CFAP70: variants seen among roughly 807,000 people sequenced by gnomAD.
The protein encoded by CFAP70 is cilia- and flagella-associated protein 70.
In CFAP70, 81 loss-of-function variants were observed where a neutral mutation model predicts 137.6. That is an observed-to-expected ratio of 0.59 (90% CI 0.49 to 0.71). The LOEUF is 0.71. Among genes scored for constraint, CFAP70 ranks in the 30% least tolerant of loss-of-function variants. The pLI is 0.00. For missense variants in CFAP70, 976 were observed against 1,226.7 expected, an observed-to-expected ratio of 0.80 and a Z score of 3.05; for synonymous variants, 382 against 423.6, an observed-to-expected ratio of 0.90 and a Z score of 1.20.
chr10:73,335,348 TAAATAA>T (rs555845974), intron 7 of CFAP70, 76 bp downstream of exon 8: 57 of 841,022 alleles, frequency 6.8e-5, no homozygotes, highest in Non-Finnish European at 1.0e-4. Flanking sequence ...AACTCAAATA[TAAATAA>T]AATTAACAAA....
rs1564733069 is a variant in CFAP70, at chr10:73,255,275, A to C, written c.3075+1094T>G. 5.9e-5 allele frequency among the ~76,000 whole-genome samples: 9 copies of C among 152,278 alleles called. No individual in the cohort carries two copies. The South Asian group carries it at 1.9e-3, about 32-fold the overall frequency. On this transcript the variant is annotated intron_variant, in intron 26 of 26. Coordinates refer to ENST00000310715, the Ensembl canonical transcript of CFAP70. The stretch of plus-strand genomic sequence containing the variant: ...GCTGGGGGCAGTGGCGGGCGGCTGT[A>C]GTCCCAGCTACTCAGGAGGCTGAAG...
At chr10:73,304,691 T>C (rs2049232944) in intron 12 of CFAP70, among the ~76,000 whole-genome samples, 1 of 152,148 alleles carries the variant, frequency 6.6e-6, no homozygotes, top group Admixed American at 6.5e-5. Context: ...ATCTAAAGTC[T>C]TAAAAATACA....
Position 73,338,143 on chromosome 10 carries a change from A to ATT in CFAP70, c.583-2621_583-2620dup, listed in dbSNP as rs550084202. 2.0e-3 allele frequency among the ~76,000 whole-genome samples: 261 copies of ATT among 129,680 alleles called. 1 individual carries two copies. The highest frequency in any genetic ancestry group is 6.5e-3 in the South Asian group (26 of 4,014). 85.1% of individuals were successfully genotyped at this position (129,680 alleles called of 152,430 possible). On this transcript the variant is annotated intron_variant, in intron 6 of 26. Coordinates refer to ENST00000310715, the Ensembl canonical transcript of CFAP70. ...CATGGGTCCACTTATATATATGCGGATTTTTTTTTTTTTTTTTTTGAGACA... is the reference window on the plus strand; with the variant it reads ...CATGGGTCCACTTATATATATGCGGATTTTTTTTTTTTTTTTTTTTTGAGACA...
chr10:73,255,627 T>TTTTGTTTG lies in CFAP70; in HGVS notation c.3075+734_3075+741dup, dbSNP rs111270021. ...TGAGCCAATCCAGCTCACTACCTGT[T>TTTTGTTTG]TTTGTTTGTTTGTTTGTTTTTGAGA... On this transcript the variant is annotated intron_variant, in intron 26 of 26. Transcript: ENST00000310715. Among the ~76,000 whole-genome samples, 1,515 of 151,906 alleles carry TTTTGTTTG rather than the reference T, an allele frequency of 1.0e-2. 17 individuals are homozygous for TTTTGTTTG. The highest frequency in any genetic ancestry group is 0.03 in the South Asian group (144 of 4,792).
exon 7 of CFAP70, chr10:73,335,458 A>G: frequency 6.2e-7 from 1 of 1,611,452 alleles, no homozygotes; most frequent in South Asian, 1.1e-5. Flanking sequence ...TCAAGGTAGC[A>G]GCGACTTTCC....
At chr10:73,351,067 GTGTGTATATATATATATA>G (rs1232695488) in intron 3 of CFAP70, among the ~76,000 whole-genome samples, 46 of 64,060 alleles carry the variant, frequency 7.2e-4, no homozygotes, top group African/African-American at 3.5e-3. Flanking sequence ...GTGTGTGTGT[GTGTGTATATATATATATA>G]TATATATATA....
chr10:73,340,059 C>T (rs575787220), intron 6 of CFAP70, among the ~76,000 whole-genome samples: 1 of 152,362 alleles, frequency 6.6e-6, no homozygotes, highest in South Asian at 2.1e-4. Flanking sequence ...CTTTACTGAG[C>T]AACAGAACAA....
intron 19 of CFAP70, among the ~76,000 whole-genome samples, chr10:73,289,580 G>A (rs1325013274): frequency 2.6e-5 from 4 of 151,736 alleles, no homozygotes; most frequent in East Asian, 1.9e-4. Flanking sequence ...CACCGTGCCC[G>A]GCAAATCAAT....
At chr10:73,342,098 G>A (rs1045601805) in intron 5 of CFAP70, among the ~76,000 whole-genome samples, 2 of 152,126 alleles carry the variant, frequency 1.3e-5, no homozygotes, top group African/African-American at 4.8e-5. Context: ...GCATTTTCAT[G>A]TCTTATAACT....
intron 25 of CFAP70, among the ~76,000 whole-genome samples, chr10:73,268,414 C>A (rs766654140): frequency 6.6e-6 from 1 of 152,300 alleles, no homozygotes. Flanking sequence ...CTCATTTGTA[C>A]TTGAAAAGAA....
chr10:73,353,704 T>C, exon 3 of CFAP70: 3 of 1,614,174 alleles, frequency 1.9e-6, no homozygotes, highest in Non-Finnish European at 2.5e-6. Flanking sequence ...TGAATTCTGC[T>C]CGAATAAAGG....
At chr10:73,348,438 G>A in exon 4 of CFAP70, 1 of 1,599,472 alleles carries the variant, frequency 6.3e-7, no homozygotes, top group Non-Finnish European at 8.5e-7. Flanking sequence ...AGTAAGGGAA[G>A]AAGGTCCACC....
At chr10:73,279,459 G>T (rs2047080841) in intron 19 of CFAP70, among the ~76,000 whole-genome samples, 1 of 151,770 alleles carries the variant, frequency 6.6e-6, no homozygotes, top group African/African-American at 2.4e-5. Context: ...GGGAGGCAGA[G>T]CTTGCAGTGA....
intron 6 of CFAP70, among the ~76,000 whole-genome samples, chr10:73,336,249 C>T (rs534387085): frequency 6.6e-6 from 1 of 152,114 alleles, no homozygotes; most frequent in South Asian, 2.1e-4. Flanking sequence ...TAAACGCTTT[C>T]CTGGTGACTG....
At chr10:73,293,315 A>G in exon 16 of CFAP70, 1 of 1,612,436 alleles carries the variant, frequency 6.2e-7, no homozygotes, top group Non-Finnish European at 8.5e-7. Context: ...TTCTGCTTCA[A>G]ATGCAAAGAG....
chr10:73,361,417 C>T (rs894681085), upstream of CFAP70, among the ~76,000 whole-genome samples: 3 of 150,904 alleles, frequency 2.0e-5, no homozygotes, highest in Admixed American at 6.6e-5. Flanking sequence ...CTCAGCCTCC[C>T]GTGTGTGTGT....
At chr10:73,316,768 C>T (rs1792862744) in intron 9 of CFAP70, among the ~76,000 whole-genome samples, 5 of 151,544 alleles carry the variant, frequency 3.3e-5, no homozygotes, top group African/African-American at 7.3e-5. Context: ...ATATGTTAAC[C>T]CAACAGTATA....
chr10:73,329,126 G>A (rs2051794382), intron 8 of CFAP70, among the ~76,000 whole-genome samples: 1 of 152,172 alleles, frequency 6.6e-6, no homozygotes, highest in Non-Finnish European at 1.5e-5. Flanking sequence ...TTAAGAAAAT[G>A]TGGCACATAT....
intron 6 of CFAP70, among the ~76,000 whole-genome samples, chr10:73,335,746 T>C (rs1011425728): frequency 1.3e-5 from 2 of 151,948 alleles, no homozygotes; most frequent in Admixed American, 1.3e-4. Context: ...AATAGTTACA[T>C]TGATCCAGTA....
Sources: gnomAD v4.1 joint callset for allele counts (sites outside exome capture counted in the v4.1 genomes callset) on GRCh38, gnomAD v4.1.1 for gene constraint, MANE v1.5 for transcripts, NCBI Gene and HGNC (gene_info 2026-07-23, HGNC 2026-07-21) for gene names.